The following FOXR1 variants were observed in gnomAD, a reference collection of about 807,000 sequenced individuals.
FOXR1 encodes the protein forkhead box R1, also known as forkhead box protein R1.
Under a neutral mutation model 34.5 loss-of-function variants are expected in FOXR1, and 25 were observed. The observed-to-expected ratio is 0.72, with a 90% CI of 0.53 to 1.01. The LOEUF is 1.01. Among genes scored for constraint, FOXR1 ranks in the 50% least tolerant of loss-of-function variants. The pLI, the probability that FOXR1 is intolerant of heterozygous loss-of-function variation, is 0.00. For synonymous variants in FOXR1, 153 were observed against 141.6 expected (o/e 1.08, Z -0.57); for missense variants, 373 against 376.2 (o/e 0.99, Z 0.07).
chr11:118,972,044 T>C (rs780471473), intron 1 of FOXR1, 52 bp downstream of exon 1: 1 of 1,460,962 alleles, frequency 6.8e-7, no homozygotes, highest in South Asian at 1.2e-5. Context: ...GAGGGTGGCC[T>C]AGGGGCTCGC....
At chr11:118,981,135 T>G in intron 5 of FOXR1, 73 bp from the exon 6 acceptor site, 1 of 1,474,542 alleles carries the variant, frequency 6.8e-7, no homozygotes, top group South Asian at 1.1e-5. Context: ...TGACCTGCTA[T>G]GAGAGAGCAT....
intron 1 of FOXR1, among the ~76,000 whole-genome samples, chr11:118,972,738 C>T (rs11607245): frequency 0.44 from 66,890 of 151,782 alleles, 15,413 homozygotes; most frequent in Admixed American, 0.56. Context: ...TTCTCCCGCC[C>T]CAGCCTCCTG....
At chr11:118,972,691 C>G (rs1339599889) in intron 1 of FOXR1, among the ~76,000 whole-genome samples, 1 of 151,658 alleles carries the variant, frequency 6.6e-6, no homozygotes, top group Non-Finnish European at 1.5e-5. Context: ...GGCGCGATCT[C>G]GGCTCACTGC....
At position 118,978,975 on chromosome 11, in the gene FOXR1, AC is replaced by A; in HGVS notation, c.157del (p.Leu53SerfsTer5). 6.2e-7 allele frequency: 1 copy of A among 1,605,428 alleles called. No individual in the cohort carries two copies. The highest frequency in any genetic ancestry group is 2.2e-5 in the East Asian group (1 of 44,754). On this transcript the variant is annotated frameshift_variant, in exon 3 of 6. Transcript: ENST00000317011. LOFTEE classifies it high-confidence loss of function. ...PDKDGPDYEP[N>X]LWMWVNPNIV... ...TGCACAGGTCCAGATTATGAGCCCA[AC>A]CTCTGGATGTGGGTAAATCCCAACA...
Position 118,979,638 on chromosome 11 carries a change from T to A in FOXR1, c.581T>A (p.Leu194His), listed in dbSNP as rs1212116247. 6.2e-7 allele frequency: 1 copy of A among 1,609,194 alleles called. No homozygotes were observed. The highest frequency in any genetic ancestry group is 8.5e-7 in the Non-Finnish European group (1 of 1,177,756). The change falls in exon 4 of 6, where the codon CTC becomes CAC. Residue 194 changes from leucine (L) to histidine (H), a missense_variant. Transcript: ENST00000317011. ...TTAAGAAACAGTTCCCCCTGTGGCC[T>A]CAACGTGCAACAGATCTACAGTTTC... ...LALRNSSPCGLNVQQIYSFTR... is the reference protein window; with the variant it reads ...LALRNSSPCGHNVQQIYSFTR...
intron 5 of FOXR1, 21 bp from the exon 6 acceptor site, chr11:118,981,187 A>C: frequency 6.2e-7 from 1 of 1,613,878 alleles, no homozygotes; most frequent in Non-Finnish European, 8.5e-7. Flanking sequence ...TAAACTCCTG[A>C]ACTCTCTCCT....
intron 1 of FOXR1, among the ~76,000 whole-genome samples, chr11:118,976,197 A>T (rs1941777587): frequency 7.1e-6 from 1 of 140,578 alleles, no homozygotes; most frequent in African/African-American, 2.6e-5. Context: ...AATAGCAAAG[A>T]TCATGTTTTT....
chr11:118,976,086 T>C (rs1035103217), intron 1 of FOXR1, among the ~76,000 whole-genome samples: 6 of 152,208 alleles, frequency 3.9e-5, no homozygotes, highest in Non-Finnish European at 8.8e-5. Flanking sequence ...ATGTGGTGCA[T>C]AAATGAGGTT....
intron 1 of FOXR1, among the ~76,000 whole-genome samples, chr11:118,973,346 A>AGTT (rs1941738839): frequency 1.3e-5 from 2 of 152,290 alleles, no homozygotes; most frequent in Non-Finnish European, 2.9e-5. Flanking sequence ...GATAATCTGC[A>AGTT]ATGGGGAAAG....
In FOXR1 at chr11:118,972,129, G is replaced by GCCC. The variant is rs764442884; in HGVS notation, c.61+147_61+149dup. On this transcript the variant is annotated intron_variant, in intron 1 of 5. Transcript: ENST00000317011. ...AGGCTTGGGGGGCCGAGCGCCCCGC[G>GCCC]CCCCCCCCCCCCGACGGCTTAGCTC... 174 of 361,302 alleles carry GCCC rather than the reference G, an allele frequency of 4.8e-4. 2 individuals are homozygous for GCCC. The highest frequency in any genetic ancestry group is 8.7e-4 in the African/African-American group (23 of 26,460). The allele number at this position is 361,302 out of a possible 1,614,324, so 22.4% of individuals were successfully genotyped here.
chr11:118,979,422 C>A lies in FOXR1; in HGVS notation c.385-20C>A, dbSNP rs1380687378. ...AGAGGCTGAGGAGTCAGGACCAGTT[C>A]CTACTCTGTGCTCCTCTAGCTCACA... is the stretch of plus-strand genomic sequence containing the variant. On this transcript the variant is annotated intron_variant, in intron 3 of 5. Transcript: ENST00000317011. 1 of 1,582,238 alleles carries A rather than the reference C, an allele frequency of 6.3e-7. No homozygotes were observed. Among genetic ancestry groups the A allele is most frequent in the Non-Finnish European group, 8.6e-7 (1 of 1,163,812 alleles).
intron 1 of FOXR1, 71 bp downstream of exon 1, chr11:118,972,063 G>A (rs1941711731): frequency 3.9e-6 from 5 of 1,274,938 alleles, no homozygotes; most frequent in Non-Finnish European, 5.1e-6. Flanking sequence ...GCGGGACCCC[G>A]GGGCAGACGG....
rs1411094454 is a variant in FOXR1, at chr11:118,971,971, C to T, written c.40C>T (p.Leu14Phe). The T allele has an allele frequency of 6.4e-7, 1 of 1,552,286 alleles. No homozygotes were observed. The highest frequency in any genetic ancestry group is 8.7e-7 in the Non-Finnish European group (1 of 1,147,200). Reference sequence around the variant, plus strand: ...CTTTCTGGCCTTCACCACATCTCACCTCCCCTTAGCGGAGCAGAAACGTGA... The same window carrying T: ...CTTTCTGGCCTTCACCACATCTCACTTCCCCTTAGCGGAGCAGAAACGTGA... ...ELFLAFTTSH[L>F]PLAEQKLARY... is the part of the protein sequence containing the mutation. Residue 14 changes from leucine (L) to phenylalanine (F), a missense_variant, in exon 1 of 6, where the codon CTC becomes TTC. Physicochemically the swap from Leu to Phe is conservative, Grantham distance 22 (BLOSUM62 0). Transcript: ENST00000317011.
intron 1 of FOXR1, 128 bp downstream of exon 1, chr11:118,972,120 G>C: frequency 1.9e-6 from 1 of 514,442 alleles, no homozygotes; most frequent in South Asian, 2.1e-5. Context: ...GGGGGGCCGA[G>C]CGCCCCGCGC....
chr11:118,972,090 C>T, intron 1 of FOXR1, 98 bp downstream of exon 1: 1 of 1,191,028 alleles, frequency 8.4e-7, no homozygotes, highest in Non-Finnish European at 1.2e-6. Flanking sequence ...AGCCTTCGCC[C>T]CCACCTCCCG....
In FOXR1 at chr11:118,979,682, G is replaced by A. The variant is rs782108087; in HGVS notation, c.611+14G>A. On this transcript the variant is annotated intron_variant, in intron 4 of 5. Transcript: ENST00000317011. ...CAGTTTCACTCGGTATGTGCCGGGGGCCCTGCGAGGAGGGGGAAGTGGGGG... is the reference window on the plus strand; with the variant it reads ...CAGTTTCACTCGGTATGTGCCGGGGACCCTGCGAGGAGGGGGAAGTGGGGG... The A allele has an allele frequency of 3.2e-6, 5 of 1,562,344 alleles. No individual in the cohort carries two copies. Among genetic ancestry groups the A allele is most frequent in the Non-Finnish European group, 2.6e-6 (3 of 1,153,264 alleles).
In FOXR1 at chr11:118,979,173, A is replaced by G. The variant is rs781802658; in HGVS notation, c.353A>G (p.Lys118Arg). 2.6e-6 allele frequency: 4 copies of G among 1,540,888 alleles called. No homozygotes were observed. Among genetic ancestry groups the G allele is most frequent in the South Asian group, 1.3e-5 (1 of 78,216 alleles). The change falls in exon 3 of 6, where the codon AAG becomes AGG. Residue 118 changes from lysine to arginine, a missense_variant. Coordinates refer to ENST00000317011, the MANE Select transcript of FOXR1 (RefSeq NM_181721.3). ...TCCAGCAAGCGGTCTCCCCCTCGGAAGCGGTTTGCCTTTTCCCCCAGCACC... is the reference window on the plus strand; with the variant it reads ...TCCAGCAAGCGGTCTCCCCCTCGGAGGCGGTTTGCCTTTTCCCCCAGCACC... ...QSSSKRSPPR[K>R]RFAFSPSTWE...
intron 3 of FOXR1, 55 bp downstream of exon 3, chr11:118,979,259 G>T: frequency 6.6e-7 from 1 of 1,504,502 alleles, no homozygotes. Context: ...GGGGCATGGG[G>T]AAGAGCCATT....
chr11:118,979,312 A>G, intron 3 of FOXR1, 108 bp downstream of exon 3: 3 of 1,494,344 alleles, frequency 2.0e-6, no homozygotes, highest in South Asian at 2.8e-5. Flanking sequence ...GAATGGGTTC[A>G]GAAATTACCT....
Sources: allele counts gnomAD v4.1 joint callset (sites outside exome capture counted in the v4.1 genomes callset), GRCh38; gene constraint gnomAD v4.1.1; transcripts MANE v1.5; gene names NCBI Gene and HGNC (gene_info 2026-07-23, HGNC 2026-07-21).